The following CNGA4 variants were observed in gnomAD, a reference collection of about 807,000 sequenced individuals.
CNGA4 encodes cyclic nucleotide gated channel subunit alpha 4.
A neutral mutation model predicts 45.6 loss-of-function variants in CNGA4; 32 were observed. That is an observed-to-expected ratio of 0.70 (90% CI 0.53 to 0.94). The LOEUF is 0.94. CNGA4 is among the 40% of genes least tolerant of loss of function. CNGA4 has a pLI of 0.00. For synonymous variants in CNGA4, 293 were observed against 304.6 expected (o/e 0.96, Z 0.40); for missense variants, 726 against 755.1 (o/e 0.96, Z 0.45).
At chr11:6,237,408 A>G (rs190240879), upstream of CNGA4, among the ~76,000 whole-genome samples, 86 of 152,354 alleles carry the variant, frequency 5.6e-4, no homozygotes, top group Admixed American at 1.0e-3. Context: ...AGGAACATCC[A>G]GTGAGCAGTT....
chr11:6,237,177 A>T (rs755568704), upstream of CNGA4, among the ~76,000 whole-genome samples: 1 of 152,206 alleles, frequency 6.6e-6, no homozygotes, highest in Non-Finnish European at 1.5e-5. Context: ...GTCACACAAC[A>T]TCACTCCTGC....
chr11:6,242,209 T>C (rs999694000), intron 5 of CNGA4, among the ~76,000 whole-genome samples: 1 of 152,020 alleles, frequency 6.6e-6, no homozygotes, highest in Non-Finnish European at 1.5e-5. Context: ...ATTTTAAAGA[T>C]AAGGAAATCA....
At chr11:6,239,658 C>G in intron 2 of CNGA4, 26 bp from the exon 3 acceptor site, 3 of 1,610,520 alleles carry the variant, frequency 1.9e-6, no homozygotes, top group Non-Finnish European at 2.5e-6. Flanking sequence ...GCCCTTAATT[C>G]AATCATGCTT....
chr11:6,235,939 AAAAAAAAAAAAAG>A (rs1292315068), upstream of CNGA4, among the ~76,000 whole-genome samples: 35 of 135,564 alleles, frequency 2.6e-4, no homozygotes, highest in Admixed American at 2.5e-3. Context: ...ACTCCGTCTC[AAAAAAAAAAAAAG>A]AAAAGAAAAA....
At position 6,240,833 on chromosome 11, in the gene CNGA4, G is replaced by C; in HGVS notation, c.917+122G>C. Reference sequence around the variant, plus strand: ...GGCTGTCAAAATGTAGCATTCAGCCGTGGGTTTGCTGGCTGGGGCTTGGAA... The same window carrying C: ...GGCTGTCAAAATGTAGCATTCAGCCCTGGGTTTGCTGGCTGGGGCTTGGAA... On this transcript the variant is annotated intron_variant, in intron 4 of 5. Coordinates refer to ENST00000379936, the MANE Select transcript of CNGA4 (RefSeq NM_001037329.4). The surrounding 1 kb of genome is among the most constrained non-coding windows in gnomAD (Gnocchi z 4.9). The C allele has an allele frequency of 7.9e-7, 1 of 1,265,580 alleles. No homozygotes were observed. The highest frequency in any genetic ancestry group is 1.1e-6 in the Non-Finnish European group (1 of 916,358). The allele number at this position is 1,265,580 out of a possible 1,614,324, so 78.4% of individuals were successfully genotyped here.
chr11:6,241,298 A>G, intron 4 of CNGA4, 133 bp from the exon 5 acceptor site: 1 of 702,952 alleles, frequency 1.4e-6, no homozygotes, highest in Non-Finnish European at 2.4e-6. Flanking sequence ...TCCAACTGTC[A>G]GGTACTCCCA....
At chr11:6,238,445 T>A (rs553772776), upstream of CNGA4, among the ~76,000 whole-genome samples, 3 of 152,292 alleles carry the variant, frequency 2.0e-5, no homozygotes, top group East Asian at 5.8e-4. Flanking sequence ...TTTGTTTTGA[T>A]ATAGGAGATA....
At position 6,239,259 on chromosome 11, in the gene CNGA4, C is replaced by A. The variant is rs1226275483; in HGVS notation, c.53C>A (p.Ser18Tyr). ...ACAGAGTCCAGTCCCCCAGCCCCAT[C>A]CAAGGCCAGGTGAGAAGTCCTGGTC... The part of the protein sequence containing the change: ...KTTESSPPAP[S>Y]KARKLLPVLD... Residue 18 changes from serine (S) to tyrosine (Y), a missense_variant, in exon 1 of 6, where the codon TCC (serine) becomes TAC (tyrosine). Transcript: ENST00000379936. 3 of 1,614,190 alleles carry A rather than the reference C, an allele frequency of 1.9e-6. No individual in the cohort carries two copies. In the East Asian group the frequency reaches 6.7e-5, roughly 36 times the overall value.
chr11:6,235,982 T>C (rs1847831037), upstream of CNGA4, among the ~76,000 whole-genome samples: 1 of 151,934 alleles, frequency 6.6e-6, no homozygotes, highest in South Asian at 2.1e-4. Context: ...ATTTTGCCAA[T>C]GTTAAATACC....
Position 6,240,364 on chromosome 11 carries a change from A to G in CNGA4, c.570A>G (p.Leu190=). The change falls in exon 4 of 6, where the codon CTA becomes CTG. Residue 190 remains leucine (L), a synonymous_variant. Coordinates refer to ENST00000379936, the MANE Select transcript of CNGA4 (RefSeq NM_001037329.4). This position sits in a 1 kb window ranked among gnomAD's most constrained non-coding sequence, Gnocchi z 4.9. ...IHWNSCLYFA[L]SRYLGFGRDA... Reference sequence around the variant, plus strand: ...GGAACAGCTGCCTATACTTTGCCCTATCCCGGTACCTGGGCTTCGGGCGTG... The same window carrying G: ...GGAACAGCTGCCTATACTTTGCCCTGTCCCGGTACCTGGGCTTCGGGCGTG... 1.2e-6 allele frequency: 2 copies of G among 1,614,178 alleles called. No individual in the cohort carries two copies. Among genetic ancestry groups the G allele is most frequent in the Non-Finnish European group, 1.7e-6 (2 of 1,180,030 alleles).
At chr11:6,244,497 C>G (rs368068315), downstream of CNGA4, 65 of 1,237,984 alleles carry the variant, frequency 5.3e-5, no homozygotes, top group East Asian at 8.2e-4. This position sits in a 1 kb window ranked among gnomAD's most constrained non-coding sequence, Gnocchi z 4.5. Flanking sequence ...ATCCTGTCTG[C>G]GAGATCACAG....
In CNGA4 at chr11:6,239,386, A is replaced by G. The variant is rs760843463; in HGVS notation, c.65A>G (p.Lys22Arg). 1 of 1,614,178 alleles carries G rather than the reference A, an allele frequency of 6.2e-7. No individual in the cohort carries two copies. The highest frequency in any genetic ancestry group is 8.5e-7 in the Non-Finnish European group (1 of 1,179,984). Reference protein sequence around the residue: ...SSPPAPSKARKLLPVLDPSGD... With the variant: ...SSPPAPSKARRLLPVLDPSGD... ...AAGCAAGACTTTCTTTCTTACAGGAAGTTGCTGCCTGTCCTGGACCCATCT... is the reference window on the plus strand; with the variant it reads ...AAGCAAGACTTTCTTTCTTACAGGAGGTTGCTGCCTGTCCTGGACCCATCT... Residue 22 changes from lysine to arginine, a missense_variant and splice_region_variant, in exon 2 of 6, where the codon AAG becomes AGG. Physicochemically the swap from Lys to Arg is conservative, Grantham distance 26. Transcript: ENST00000379936.
rs2133881812 is a variant in CNGA4, at chr11:6,244,076, G to A, written c.1395G>A (p.Glu465=). 6.2e-7 allele frequency: 1 copy of A among 1,614,236 alleles called. No individual in the cohort carries two copies. Among genetic ancestry groups the A allele is most frequent in the Non-Finnish European group, 8.5e-7 (1 of 1,180,046 alleles). ...ATCCACAAGCACAGACCATCATGGA[G>A]GAGAAAGGACGTGAGATCCTGCTGA... ...SEYPQAQTIM[E]EKGREILLKM... The change falls in exon 6 of 6, where the codon GAG becomes GAA. Residue 465 remains glutamate, a synonymous_variant. Coordinates refer to ENST00000379936, the MANE Select transcript of CNGA4 (RefSeq NM_001037329.4). The surrounding 1 kb of genome is among the most constrained non-coding windows in gnomAD (Gnocchi z 4.5).
At position 6,241,683 on chromosome 11, in the gene CNGA4, G is replaced by T; in HGVS notation, c.1170G>T (p.Glu390Asp). 1 of 1,614,212 alleles carries T rather than the reference G, an allele frequency of 6.2e-7. No homozygotes were observed. The highest frequency in any genetic ancestry group is 8.5e-7 in the Non-Finnish European group (1 of 1,180,050). The change falls in exon 5 of 6, where the codon GAG becomes GAT. Residue 390 changes from glutamate to aspartate, a missense_variant. Transcript: ENST00000379936. The part of the protein sequence containing the change: ...DIGQEMYIIR[E>D]GQLAVVADDG... The stretch of plus-strand genomic sequence containing the variant: ...GCCAAGAGATGTACATCATCCGAGA[G>T]GGTCAACTGGCCGTGGTGGCAGATG...
chr11:6,243,375 C>T (rs537799282), intron 5 of CNGA4, among the ~76,000 whole-genome samples: 6 of 152,282 alleles, frequency 3.9e-5, no homozygotes, highest in South Asian at 2.1e-4. Context: ...GGGGAGCAGG[C>T]ATGTCACACG....
Position 6,240,789 on chromosome 11 carries a change from T to C in CNGA4, c.917+78T>C. The C allele has an allele frequency of 1.3e-6, 2 of 1,524,814 alleles. No individual in the cohort carries two copies. 94.5% of individuals were successfully genotyped at this position (1,524,814 alleles called of 1,614,324 possible). A position where few individuals can be genotyped will look rare whatever the true frequency, so the allele number is the denominator to read the frequency against. On this transcript the variant is annotated intron_variant, in intron 4 of 5. Transcript: ENST00000379936. This position sits in a 1 kb window ranked among gnomAD's most constrained non-coding sequence, Gnocchi z 4.9. ...CTGAGGGAGGTAACTGGGTCCTTAGTGCCTGGTGAGCCAGGCAAGGCTGTC... is the reference window on the plus strand; with the variant it reads ...CTGAGGGAGGTAACTGGGTCCTTAGCGCCTGGTGAGCCAGGCAAGGCTGTC...
chr11:6,238,991 G>A (rs1847870915), upstream of CNGA4: 2 of 1,397,054 alleles, frequency 1.4e-6, no homozygotes, highest in Non-Finnish European at 1.9e-6. Flanking sequence ...CCCAGGCCCT[G>A]GGAGACAGGG....
At position 6,240,033 on chromosome 11, in the gene CNGA4, C is replaced by T; in HGVS notation, c.272-33C>T. On this transcript the variant is annotated intron_variant, in intron 3 of 5. Coordinates refer to ENST00000379936, the MANE Select transcript of CNGA4 (RefSeq NM_001037329.4). This position sits in a 1 kb window ranked among gnomAD's most constrained non-coding sequence, Gnocchi z 4.9. ...ATGCTCAGCCCAAGCTTGACTACAGCAGGTCCGCTTCCTACCGGCTCCCTC... is the reference window on the plus strand; with the variant it reads ...ATGCTCAGCCCAAGCTTGACTACAGTAGGTCCGCTTCCTACCGGCTCCCTC... 2 of 1,574,648 alleles carry T rather than the reference C, an allele frequency of 1.3e-6. No homozygotes were observed. The highest frequency in any genetic ancestry group is 3.5e-5 in the Admixed American group (2 of 56,672).
intron 5 of CNGA4, chr11:6,242,014 G>T: frequency 1.8e-6 from 1 of 562,556 alleles, no homozygotes; most frequent in Non-Finnish European, 3.2e-6. Context: ...AGAGAGAGTA[G>T]ACTTGCTCTG....
Sources: allele counts gnomAD v4.1 joint callset (sites outside exome capture counted in the v4.1 genomes callset), GRCh38; gene constraint gnomAD v4.1.1; non-coding constraint Gnocchi (gnomAD v3.1); transcripts MANE v1.5; gene names NCBI Gene and HGNC (gene_info 2026-07-23, HGNC 2026-07-21).